Variants in GALK1 observed in about 807,000 individuals in gnomAD.
GALK1 encodes the protein galactokinase 1.
A neutral mutation model predicts 38.6 loss-of-function variants in GALK1; 30 were observed. The observed-to-expected ratio is 0.78, with a 90% CI of 0.58 to 1.05. The LOEUF (loss-of-function observed/expected upper bound fraction) is 1.05. GALK1 is among the 50% of genes least tolerant of loss of function. The pLI is 0.00. For missense variants in GALK1, 512 were observed against 540.5 expected, an observed-to-expected ratio of 0.95 and a Z score of 0.52; for synonymous variants, 240 against 233.6, an observed-to-expected ratio of 1.03 and a Z score of -0.25.
chr17:75,757,378 A>G, downstream of GALK1: 1 of 1,612,700 alleles, frequency 6.2e-7, no homozygotes, highest in Non-Finnish European at 8.5e-7. Context: ...AGAAGGGCAG[A>G]CCCCAAGCCA....
In GALK1 at chr17:75,764,800, A is replaced by T. The variant is rs370894883; in HGVS notation, c.165+172T>A. On this transcript the variant is annotated intron_variant, in intron 1 of 7. Coordinates refer to ENST00000588479, the MANE Select transcript of GALK1 (RefSeq NM_000154.2). ...CCACTTCCTCGCTTCCTCCCTTCCA[A>T]CGTGGGGAACAGCCTGTCCCGGGGA... 760 of 727,132 alleles carry T rather than the reference A, an allele frequency of 1.0e-3. 1 individual carries two copies. In the African/African-American group the frequency reaches 0.012, roughly 12 times the overall value. 45.0% of individuals were successfully genotyped at this position (727,132 alleles called of 1,614,324 possible).
downstream of GALK1, chr17:75,756,524 G>A: frequency 6.2e-7 from 1 of 1,613,290 alleles, no homozygotes; most frequent in Non-Finnish European, 8.5e-7. Flanking sequence ...CCGCGTGCGG[G>A]CCCAGAGCCA....
At chr17:75,756,393 A>C, downstream of GALK1, 3 of 1,609,870 alleles carry the variant, frequency 1.9e-6, no homozygotes, top group Non-Finnish European at 2.5e-6. Context: ...TGGGAGTAAC[A>C]CTGCACTACT....
downstream of GALK1, chr17:75,755,272 C>T: frequency 6.4e-7 from 1 of 1,551,384 alleles, no homozygotes; most frequent in Non-Finnish European, 8.8e-7. Flanking sequence ...GTCATCCAGC[C>T]ACCATAGCAG....
chr17:75,756,616 A>G, downstream of GALK1: 1 of 1,612,794 alleles, frequency 6.2e-7, no homozygotes, highest in South Asian at 1.1e-5. Flanking sequence ...GTCCCCTGCC[A>G]GGTGAGTTGC....
chr17:75,756,937 GC>G, downstream of GALK1: 1 of 1,612,416 alleles, frequency 6.2e-7, no homozygotes, highest in Non-Finnish European at 8.5e-7. Context: ...CATCTTCCCT[GC>G]TCAGGGCCAG....
At chr17:75,759,427 CAAAA>C (rs10624000) in intron 5 of GALK1, among the ~76,000 whole-genome samples, 1 of 143,420 alleles carries the variant, frequency 7.0e-6, no homozygotes, top group African/African-American at 2.6e-5. Flanking sequence ...GGCTCCCTCT[CAAAA>C]AAAAAGAAAG....
Position 75,763,306 on chromosome 17 carries a change from G to C in GALK1, c.475+14C>G, listed in dbSNP as rs374127081. ...GGAAGGAGGGCTGGGTCAGGGCTGG[G>C]GCCTAGCTGGTACCTGGACAGAGCT... On this transcript the variant is annotated intron_variant, in intron 3 of 7. Coordinates refer to ENST00000588479, the MANE Select transcript of GALK1 (RefSeq NM_000154.2). The C allele has an allele frequency of 1.2e-6, 2 of 1,613,958 alleles. No homozygotes were observed. The highest frequency in any genetic ancestry group is 1.7e-6 in the Non-Finnish European group (2 of 1,179,980).
chr17:75,763,455 C>T lies in GALK1; in HGVS notation c.356-16G>A. 1 of 1,579,778 alleles carries T rather than the reference C, an allele frequency of 6.3e-7. No individual in the cohort carries two copies. Among genetic ancestry groups the T allele is most frequent in the South Asian group, 1.1e-5 (1 of 87,284 alleles). On this transcript the variant is annotated splice_polypyrimidine_tract_variant and intron_variant, in intron 2 of 7. Transcript: ENST00000588479. ...AGGGGGGCAGCTGCAGGGGAAAGAA[C>T]AGGTGATGGTAAGAGGGGCTGCCTG... is the stretch of plus-strand genomic sequence containing the variant.
downstream of GALK1, chr17:75,751,584 AC>A (rs1242666349): frequency 4.3e-6 from 1 of 230,910 alleles, no homozygotes; most frequent in Non-Finnish European, 8.7e-6. Flanking sequence ...AACCGTTTCT[AC>A]TAAAAATTAG....
downstream of GALK1, chr17:75,753,881 G>T: frequency 7.6e-7 from 1 of 1,324,302 alleles, no homozygotes; most frequent in Non-Finnish European, 9.6e-7. Flanking sequence ...GCGCTCCTCC[G>T]ACGCCGAGGC....
Position 75,758,696 on chromosome 17 carries a change from G to C in GALK1, c.794-97C>G, listed in dbSNP as rs1431679000. 5.4e-6 allele frequency: 8 copies of C among 1,477,838 alleles called. No individual in the cohort carries two copies. The Admixed American group carries it at 1.6e-4, about 29-fold the overall frequency. 91.5% of individuals were successfully genotyped at this position (1,477,838 alleles called of 1,614,324 possible). Reference sequence around the variant, plus strand: ...GCGGTGATGGCAGTGGCCCTGGCTGGACGGTGAAGGGTGGAAGGCCGCGGG... The same window carrying C: ...GCGGTGATGGCAGTGGCCCTGGCTGCACGGTGAAGGGTGGAAGGCCGCGGG... On this transcript the variant is annotated intron_variant, in intron 5 of 7. Transcript: ENST00000588479.
At chr17:75,764,126 C>A (rs775606848) in intron 1 of GALK1, 40 bp from the exon 2 acceptor site, 1 of 1,533,554 alleles carries the variant, frequency 6.5e-7, no homozygotes, top group Admixed American at 1.9e-5. Flanking sequence ...CTTCCGCCAG[C>A]TGGAGTAAGC....
intron 5 of GALK1, among the ~76,000 whole-genome samples, chr17:75,760,483 G>C (rs2061582663): frequency 6.6e-6 from 1 of 151,654 alleles, no homozygotes; most frequent in Admixed American, 6.6e-5. Flanking sequence ...AGATAGGCCA[G>C]GTGTAGTGGC....
downstream of GALK1, chr17:75,755,843 G>A: frequency 6.2e-7 from 1 of 1,603,886 alleles, no homozygotes; most frequent in Non-Finnish European, 8.5e-7. Context: ...ACCAGCTGCT[G>A]AACGGCGGTG....
intron 2 of GALK1, chr17:75,763,640 C>T: frequency 2.8e-6 from 2 of 706,902 alleles, no homozygotes; most frequent in South Asian, 3.5e-5. Context: ...TGCTGGGACA[C>T]TTCTAATTGT....
chr17:75,752,965 C>A (rs1035217698), downstream of GALK1, among the ~76,000 whole-genome samples: 5 of 152,214 alleles, frequency 3.3e-5, no homozygotes, highest in Non-Finnish European at 5.9e-5. Context: ...GACAAGAACA[C>A]CCCCAACAGC....
chr17:75,753,903 C>T (rs2061426780), downstream of GALK1: 5 of 1,293,342 alleles, frequency 3.9e-6, no homozygotes, highest in African/African-American at 4.6e-5. Flanking sequence ...CCCCACGGGC[C>T]CCCGGACGAC....
In GALK1 at chr17:75,763,159, A is replaced by G. The variant is rs544089175; in HGVS notation, c.476-10T>C. 6.2e-7 allele frequency: 1 copy of G among 1,611,386 alleles called. No homozygotes were observed. Among genetic ancestry groups the G allele is most frequent in the South Asian group, 1.1e-5 (1 of 91,084 alleles). On this transcript the variant is annotated splice_polypyrimidine_tract_variant and intron_variant, in intron 3 of 7. Coordinates refer to ENST00000588479, the MANE Select transcript of GALK1 (RefSeq NM_000154.2). The stretch of plus-strand genomic sequence containing the variant: ...GCTATTGTGCCCGAGTCTGCAGTAC[A>G]GGGTGAGGTGGGGAGGCTAGGGCTG...
Sources: gnomAD v4.1 joint callset for allele counts (sites outside exome capture counted in the v4.1 genomes callset) on GRCh38, gnomAD v4.1.1 for gene constraint, MANE v1.5 for transcripts, NCBI Gene and HGNC (gene_info 2026-07-23, HGNC 2026-07-21) for gene names.